Variants in PTPRZ1 observed in about 807,000 individuals in gnomAD.
PTPRZ1 encodes protein tyrosine phosphatase receptor type Z1, also known as receptor-type tyrosine-protein phosphatase zeta.
PTPRZ1 carries 82 observed loss-of-function variants against 214.1 expected under a neutral mutation model. The observed-to-expected ratio is 0.38, with a 90% CI of 0.32 to 0.46. The LOEUF (loss-of-function observed/expected upper bound fraction) is 0.46. PTPRZ1 is among the 20% of genes least tolerant of loss of function. The probability of loss-of-function intolerance (pLI) is 1.00; values close to 1 mark genes in which losing one functional copy is unlikely to be tolerated. For missense variants in PTPRZ1, 2,603 were observed against 2,748.7 expected (o/e 0.95, Z 1.19); for synonymous variants, 945 against 987.9 (o/e 0.96, Z 0.81).
At chr7:121,884,988 A>G (rs1006496521) in intron 1 of PTPRZ1, among the ~76,000 whole-genome samples, 1 of 152,180 alleles carries the variant, frequency 6.6e-6, no homozygotes, top group Admixed American at 6.5e-5. Flanking sequence ...TACATTCAAG[A>G]AACATAACAA....
rs771224797 is a variant in PTPRZ1, at chr7:122,039,577, A to G, written c.5626A>G (p.Lys1876Glu). Residue 1876 changes from lysine (K) to glutamate (E), a missense_variant, in exon 20 of 30, where the codon AAA becomes GAA. Around this residue, in one of 6 missense-constraint regions of PTPRZ1, gnomAD observed 1,913 missense variants for 1,914.3 expected, o/e 1.00. Transcript: ENST00000393386. The stretch of plus-strand genomic sequence containing the variant: ...GAGGAATTTTACTCTAAGAAACACA[A>G]AAATAAAAAAGGTGAGTCAACAAAA... The part of the protein sequence containing the change: ...TVRNFTLRNT[K>E]IKKGSQKGRP... 6.2e-7 allele frequency: 1 copy of G among 1,613,462 alleles called. No individual in the cohort carries two copies. The highest frequency in any genetic ancestry group is 2.2e-5 in the East Asian group (1 of 44,858).
At chr7:122,030,091 A>T (rs1258658435) in intron 14 of PTPRZ1, among the ~76,000 whole-genome samples, 1 of 152,002 alleles carries the variant, frequency 6.6e-6, no homozygotes, top group Non-Finnish European at 1.5e-5. Context: ...TATTTTTAAC[A>T]AATAAAATAA....
chr7:122,046,522 G>A (rs1278989323), intron 23 of PTPRZ1, among the ~76,000 whole-genome samples: 1 of 152,270 alleles, frequency 6.6e-6, no homozygotes, highest in South Asian at 2.1e-4. Context: ...CTTACCAGAG[G>A]AGAATTGCGT....
chr7:121,889,485 G>T (rs1440811800), intron 1 of PTPRZ1, among the ~76,000 whole-genome samples: 1 of 152,012 alleles, frequency 6.6e-6, no homozygotes, highest in Non-Finnish European at 1.5e-5. Context: ...TTGAAACATT[G>T]GTGTTTTATT....
chr7:121,886,444 A>G (rs1336246972), intron 1 of PTPRZ1, among the ~76,000 whole-genome samples: 1 of 149,016 alleles, frequency 6.7e-6, no homozygotes, highest in South Asian at 2.1e-4. Context: ...CAGCTGAAAC[A>G]TTCCACTCTA....
At chr7:121,892,995 G>C (rs1160271851) in intron 1 of PTPRZ1, among the ~76,000 whole-genome samples, 1 of 151,742 alleles carries the variant, frequency 6.6e-6, no homozygotes, top group South Asian at 2.1e-4. Flanking sequence ...TTCCATCAGA[G>C]ATACAAATTT....
At chr7:121,887,733 G>A (rs910691522) in intron 1 of PTPRZ1, among the ~76,000 whole-genome samples, 25 of 152,218 alleles carry the variant, frequency 1.6e-4, no homozygotes, top group East Asian at 1.2e-3. Flanking sequence ...TCTAAGTAGC[G>A]GTGGGAGAAT....
At chr7:121,948,636 G>A (rs1272072431) in intron 2 of PTPRZ1, among the ~76,000 whole-genome samples, 3 of 152,148 alleles carry the variant, frequency 2.0e-5, no homozygotes, top group Admixed American at 2.0e-4. Flanking sequence ...CGAAGGCACT[G>A]AGATAAGAAA....
chr7:121,987,046 C>T (rs868454850), intron 8 of PTPRZ1, among the ~76,000 whole-genome samples: 7 of 152,206 alleles, frequency 4.6e-5, no homozygotes, highest in South Asian at 4.1e-4. Flanking sequence ...TAGTGTTATC[C>T]GCTTATATTG....
chr7:121,926,530 G>A (rs530569643), intron 1 of PTPRZ1, among the ~76,000 whole-genome samples: 4 of 152,160 alleles, frequency 2.6e-5, no homozygotes, highest in East Asian at 3.9e-4. Flanking sequence ...ATTATGTGAC[G>A]TGAAAGAAGG....
At chr7:121,884,311 T>C (rs1474841448) in intron 1 of PTPRZ1, among the ~76,000 whole-genome samples, 1 of 152,154 alleles carries the variant, frequency 6.6e-6, no homozygotes, top group Non-Finnish European at 1.5e-5. Flanking sequence ...CATATATGCA[T>C]CTATATACAC....
chr7:121,903,966 T>TCACACACA (rs57176542), intron 1 of PTPRZ1, among the ~76,000 whole-genome samples: 4,010 of 123,854 alleles, frequency 0.032, 87 homozygotes, highest in African/African-American at 0.059. Flanking sequence ...TCTTTAAATC[T>TCACACACA]CACACACACA....
intron 10 of PTPRZ1, among the ~76,000 whole-genome samples, chr7:122,001,413 T>G (rs180781450): frequency 1.3e-5 from 2 of 152,262 alleles, no homozygotes; most frequent in East Asian, 3.9e-4. Context: ...GTACATGTTT[T>G]AGGGCCTTGA....
At chr7:122,048,777 C>A (rs541996599) in intron 23 of PTPRZ1, among the ~76,000 whole-genome samples, 3 of 151,870 alleles carry the variant, frequency 2.0e-5, no homozygotes, top group African/African-American at 7.2e-5. Flanking sequence ...ATAACCAGGC[C>A]CAAAATAATT....
chr7:121,948,092 T>C (rs1796439914), intron 2 of PTPRZ1, among the ~76,000 whole-genome samples: 1 of 152,138 alleles, frequency 6.6e-6, no homozygotes, highest in Non-Finnish European at 1.5e-5. Flanking sequence ...CTAAGGGAAA[T>C]GATGATAAGC....
chr7:122,024,728 G>T (rs1449441778), intron 13 of PTPRZ1, among the ~76,000 whole-genome samples: 1 of 151,810 alleles, frequency 6.6e-6, no homozygotes, highest in Non-Finnish European at 1.5e-5. Context: ...TTGTTTATTT[G>T]TTTGTGACAA....
At chr7:121,907,472 C>T (rs1795150368) in intron 1 of PTPRZ1, among the ~76,000 whole-genome samples, 1 of 151,734 alleles carries the variant, frequency 6.6e-6, no homozygotes, top group African/African-American at 2.4e-5. Flanking sequence ...TGCTTTTTAC[C>T]ATTTATTATT....
intron 17 of PTPRZ1, among the ~76,000 whole-genome samples, chr7:122,035,788 A>T (rs573201464): frequency 6.6e-6 from 1 of 152,182 alleles, no homozygotes; most frequent in African/African-American, 2.4e-5. Context: ...TTCATCCTTG[A>T]AAAGAATAAT....
At chr7:122,034,041 C>T (rs148072001) in intron 15 of PTPRZ1, 54 bp from the exon 16 acceptor site, 56 of 1,495,216 alleles carry the variant, frequency 3.7e-5, no homozygotes, top group African/African-American at 1.5e-4. Context: ...TCTCATTTGT[C>T]GTGTGCTGTG....
Sources: allele counts gnomAD v4.1 joint callset (sites outside exome capture counted in the v4.1 genomes callset), GRCh38; gene constraint gnomAD v4.1.1; regional missense constraint gnomAD v4.1.1; transcripts MANE v1.5; gene names NCBI Gene and HGNC (gene_info 2026-07-23, HGNC 2026-07-21).